MPP3: variants seen among roughly 807,000 people sequenced by gnomAD.
MPP3 encodes MAGUK p55 subfamily member 3.
Under a neutral mutation model 80.7 loss-of-function variants are expected in MPP3, and 48 were observed. That is an observed-to-expected ratio of 0.59 (90% CI 0.47 to 0.76). The LOEUF is 0.76. Among genes scored for constraint, MPP3 ranks in the 30% least tolerant of loss-of-function variants. MPP3 has a pLI of 0.00. For synonymous variants in MPP3, 311 were observed against 297.6 expected, an observed-to-expected ratio of 1.04 and a Z score of -0.46; for missense variants, 620 against 763.0, an observed-to-expected ratio of 0.81 and a Z score of 2.21.
intron 14 of MPP3, chr17:43,815,753 T>C (rs1368424620): frequency 7.7e-6 from 5 of 649,022 alleles, no homozygotes; most frequent in Non-Finnish European, 1.4e-5. Flanking sequence ...AAACTCCAAT[T>C]GCAATGATGG....
intron 7 of MPP3, 91 bp downstream of exon 7, chr17:43,829,563 A>C: frequency 6.7e-7 from 1 of 1,491,338 alleles, no homozygotes. Context: ...ACTCACTCTG[A>C]AGACTTCGGG....
intron 14 of MPP3, 31 bp downstream of exon 14, chr17:43,816,007 G>A (rs999024305): frequency 2.6e-5 from 39 of 1,474,962 alleles, no homozygotes; most frequent in South Asian, 8.3e-5. Context: ...GGGGCAGGTC[G>A]TGCATGTGGG....
chr17:43,816,683 C>A lies in MPP3; in HGVS notation c.961G>T (p.Asp321Tyr). Residue 321 changes from aspartate to tyrosine, a missense_variant, in exon 13 of 20, where the codon GAC becomes TAC. By Grantham distance (160) the Asp-to-Tyr change is radical. Coordinates refer to ENST00000398389, the MANE Select transcript of MPP3 (RefSeq NM_001932.6). ...GGATAGATACTGGGCCTACCTTTGT[C>A]ACAAGGCTGATCATCTGCGGTTTGC... ...LRKPPYDQPC[D>Y]KETCDCEGYL... 6.3e-7 allele frequency: 1 copy of A among 1,577,418 alleles called. No individual in the cohort carries two copies. The highest frequency in any genetic ancestry group is 8.6e-7 in the Non-Finnish European group (1 of 1,160,962).
chr17:43,815,813 G>A, intron 14 of MPP3: 1 of 676,704 alleles, frequency 1.5e-6, no homozygotes, highest in Non-Finnish European at 2.7e-6. Flanking sequence ...TTTCCCGCCA[G>A]GGCAGTGTGC....
chr17:43,801,008 G>A lies in MPP3; in HGVS notation c.*693C>T, dbSNP rs1480428693. On this transcript the variant is annotated 3_prime_UTR_variant, in exon 20 of 20. Transcript: ENST00000398389. The stretch of plus-strand genomic sequence containing the variant: ...GATGGAATAGAACAAATCAAACAAA[G>A]CATGGGCTCGATGTTAGGAATCTGA... The A allele has an allele frequency of 1.3e-5, 2 of 152,246 alleles. No individual in the cohort carries two copies. Among genetic ancestry groups the A allele is most frequent in the Non-Finnish European group, 2.9e-5 (2 of 68,144 alleles). 9.4% of individuals were successfully genotyped at this position (152,246 alleles called of 1,614,324 possible). A position where few individuals can be genotyped will look rare whatever the true frequency, so the allele number is the denominator to read the frequency against.
chr17:43,831,588 T>A lies in MPP3; in HGVS notation c.115A>T (p.Ser39Cys). ...EEMGFLRDVF[S>C]EKSLSYLMKI... ...ATTAAGTAACTGAGGCTTTTTTCAC[T>A]GAAAACATCCCTCAGGAAGCCCATC... Residue 39 changes from serine to cysteine, a missense_variant, in exon 4 of 20, where the codon AGT (serine) becomes TGT (cysteine). By Grantham distance (112) the Ser-to-Cys change is moderately radical. Coordinates refer to ENST00000398389, the MANE Select transcript of MPP3 (RefSeq NM_001932.6). 3.1e-6 allele frequency: 5 copies of A among 1,613,582 alleles called. No individual in the cohort carries two copies. Among genetic ancestry groups the A allele is most frequent in the Non-Finnish European group, 4.2e-6 (5 of 1,179,676 alleles).
Position 43,833,116 on chromosome 17 carries a change from T to C in MPP3, c.-112A>G, listed in dbSNP as rs2046058403. 1 of 151,026 alleles carries C rather than the reference T, an allele frequency of 6.6e-6. No individual in the cohort carries two copies. The highest frequency in any genetic ancestry group is 2.4e-5 in the African/African-American group (1 of 40,974). The allele number at this position is 151,026 out of a possible 1,614,324, so 9.4% of individuals were successfully genotyped here. A position where few individuals can be genotyped will look rare whatever the true frequency, so the allele number is the denominator to read the frequency against. On this transcript the variant is annotated 5_prime_UTR_variant, in exon 1 of 20. Transcript: ENST00000398389. Reference sequence around the variant, plus strand: ...GGCCTCCTACCTCGTCGCGCCGGGATGTGTGCTCCGCGAACGGGAGCCGCG... The same window carrying C: ...GGCCTCCTACCTCGTCGCGCCGGGACGTGTGCTCCGCGAACGGGAGCCGCG...
Position 43,801,865 on chromosome 17 carries a change from G to C in MPP3, c.1594C>G (p.Gln532Glu). The change falls in exon 20 of 20, where the codon CAA becomes GAA. Residue 532 changes from glutamine to glutamate, a missense_variant. Transcript: ENST00000398389. ...DTAAPFDEQQQEMAASAAFID... is the reference protein window; with the variant it reads ...DTAAPFDEQQEEMAASAAFID... ...AAGGCGGCAGAAGCGGCCATCTCTT[G>C]CTGCTGCTCATCCTGCAAGGAAAGG... The C allele has an allele frequency of 6.2e-7, 1 of 1,612,366 alleles. No individual in the cohort carries two copies. The highest frequency in any genetic ancestry group is 2.2e-5 in the East Asian group (1 of 44,868).
chr17:43,815,772 G>A (rs764651701), intron 14 of MPP3: 1 of 670,338 alleles, frequency 1.5e-6, no homozygotes, highest in Non-Finnish European at 2.7e-6. Flanking sequence ...GGTGATAATA[G>A]AATTGGTATT....
At chr17:43,830,970 C>T (rs762739947) in intron 5 of MPP3, among the ~76,000 whole-genome samples, 2 of 152,214 alleles carry the variant, frequency 1.3e-5, no homozygotes, top group Non-Finnish European at 2.9e-5. Context: ...CTCTCATTTA[C>T]AGCAGAGGAA....
chr17:43,802,091 T>C (rs1461644980), intron 19 of MPP3, among the ~76,000 whole-genome samples: 8 of 152,178 alleles, frequency 5.3e-5, no homozygotes, highest in Non-Finnish European at 7.3e-5. Flanking sequence ...ACACAATCAC[T>C]GTTCAGTCAT....
intron 12 of MPP3, among the ~76,000 whole-genome samples, chr17:43,817,256 G>C (rs756130623): frequency 1.1e-4 from 16 of 152,142 alleles, no homozygotes; most frequent in Non-Finnish European, 2.1e-4. Context: ...CTGGGGCTCT[G>C]ATCACAGGCC....
intron 19 of MPP3, among the ~76,000 whole-genome samples, chr17:43,807,291 A>G (rs919855997): frequency 6.6e-6 from 1 of 151,020 alleles, no homozygotes; most frequent in Non-Finnish European, 1.5e-5. Context: ...GAGTTTCTAA[A>G]GGAGAAAATT....
chr17:43,806,679 G>A (rs893618896), intron 19 of MPP3, among the ~76,000 whole-genome samples: 18 of 151,764 alleles, frequency 1.2e-4, no homozygotes, highest in Non-Finnish European at 1.9e-4. Context: ...GCGCAATCTC[G>A]GCTCATTGCA....
In MPP3 at chr17:43,818,050, G is replaced by T; in HGVS notation, c.942C>A (p.Pro314=). Residue 314 remains proline (P), a synonymous_variant, in exon 12 of 20, where the codon CCC becomes CCA. Coordinates refer to ENST00000398389, the MANE Select transcript of MPP3 (RefSeq NM_001932.6). ...TLPSPQSLRK[P]PYDQPCDKET... ...CATCCCTGACAATCTACTCACAGGG[G>T]GGCTTCCTGAGGCTCTGGGGGCTCG... The T allele has an allele frequency of 6.3e-7, 1 of 1,583,040 alleles. No homozygotes were observed. The highest frequency in any genetic ancestry group is 8.6e-7 in the Non-Finnish European group (1 of 1,164,294).
intron 7 of MPP3, among the ~76,000 whole-genome samples, chr17:43,828,940 G>A (rs373802067): frequency 2.6e-5 from 4 of 152,314 alleles, no homozygotes; most frequent in East Asian, 3.9e-4. Flanking sequence ...AGAGATCCTC[G>A]TCTGTTTGCA....
intron 14 of MPP3, chr17:43,815,584 A>G (rs1478673024): frequency 1.7e-5 from 5 of 301,834 alleles, no homozygotes; most frequent in Non-Finnish European, 3.2e-5. Flanking sequence ...CCAGCGTGAG[A>G]GACAGGGCAA....
intron 8 of MPP3, among the ~76,000 whole-genome samples, chr17:43,826,844 T>TC (rs1197144938): frequency 7.1e-6 from 1 of 140,164 alleles, no homozygotes; most frequent in Non-Finnish European, 1.5e-5. Context: ...TTTTTTTTTT[T>TC]CTTTTTTTTT....
intron 19 of MPP3, among the ~76,000 whole-genome samples, chr17:43,807,805 T>C (rs914777391): frequency 6.6e-6 from 1 of 151,534 alleles, no homozygotes; most frequent in Non-Finnish European, 1.5e-5. Flanking sequence ...AAAAATTTTT[T>C]TTAATTGGCT....
Sources: allele counts gnomAD v4.1 joint callset (sites outside exome capture counted in the v4.1 genomes callset), GRCh38; gene constraint gnomAD v4.1.1; transcripts MANE v1.5; gene names NCBI Gene and HGNC (gene_info 2026-07-23, HGNC 2026-07-21).